The following CNMD variants were observed in gnomAD, a reference collection of about 807,000 sequenced individuals.
CNMD encodes leukocyte cell-derived chemotaxin 1.
CNMD carries 30 observed loss-of-function variants against 37.5 expected under a neutral mutation model. That is an observed-to-expected ratio of 0.80 (90% CI 0.60 to 1.09). The LOEUF (loss-of-function observed/expected upper bound fraction) is 1.09. Among genes scored for constraint, CNMD ranks in the 50% least tolerant of loss-of-function variants. The pLI is 0.00. For missense variants in CNMD, 398 were observed against 423.9 expected (o/e 0.94, Z 0.54); for synonymous variants, 167 against 148.2 (o/e 1.13, Z -0.92).
Position 52,712,543 on chromosome 13 carries a change from G to A in CNMD, c.622+173C>T, listed in dbSNP as rs143574181. Among the ~76,000 whole-genome samples, 352 of 152,074 alleles carry A rather than the reference G, an allele frequency of 2.3e-3. 4 individuals are homozygous for A. Among genetic ancestry groups the A allele is most frequent in the South Asian group, 4.2e-3 (20 of 4,808 alleles). On this transcript the variant is annotated intron_variant, in intron 5 of 6. Coordinates refer to ENST00000377962, the MANE Select transcript of CNMD (RefSeq NM_007015.3). ...TCCTTCCCTTCCCTTCAATAGTCAC[G>A]GGCTGTCATTTTCCTGCTCTTTCAT...
At chr13:52,711,947 GC>G (rs5803606) in intron 5 of CNMD, among the ~76,000 whole-genome samples, 81,244 of 151,886 alleles carry the variant, frequency 0.53, 21,948 homozygotes, top group East Asian at 0.74. Context: ...GCTGCTGTCT[GC>G]TAGTCTTCCA....
intron 3 of CNMD, among the ~76,000 whole-genome samples, chr13:52,724,547 C>T (rs760947048): frequency 7.0e-4 from 106 of 151,006 alleles, no homozygotes; most frequent in Non-Finnish European, 1.2e-3. Context: ...GCCAAGATTG[C>T]GCCACTGCAC....
intron 4 of CNMD, among the ~76,000 whole-genome samples, chr13:52,715,530 G>A (rs1233037996): frequency 6.6e-6 from 1 of 152,110 alleles, no homozygotes; most frequent in South Asian, 2.1e-4. Flanking sequence ...AGGCCCCGGT[G>A]TGTGATGTTC....
At chr13:52,724,334 G>A (rs887472933) in intron 3 of CNMD, among the ~76,000 whole-genome samples, 3 of 148,458 alleles carry the variant, frequency 2.0e-5, no homozygotes, top group African/African-American at 7.5e-5. Flanking sequence ...AGCACTTTGG[G>A]AGGCCAAGGC....
chr13:52,736,240 C>T (rs753172937), intron 2 of CNMD, among the ~76,000 whole-genome samples: 13 of 152,182 alleles, frequency 8.5e-5, no homozygotes, highest in Admixed American at 6.5e-4. Context: ...GTGAGCCGCC[C>T]GCCTCGGCCT....
intron 4 of CNMD, among the ~76,000 whole-genome samples, chr13:52,720,907 G>A (rs181129743): frequency 2.4e-4 from 37 of 152,322 alleles, no homozygotes; most frequent in Middle Eastern, 3.4e-3. Flanking sequence ...GCTCACAGCC[G>A]CCCCTTCCCC....
intron 4 of CNMD, among the ~76,000 whole-genome samples, chr13:52,716,039 C>T (rs1964373663): frequency 2.6e-5 from 4 of 152,176 alleles, no homozygotes; most frequent in Admixed American, 1.3e-4. Flanking sequence ...TTGATGATCG[C>T]CATTCTAACC....
intron 4 of CNMD, among the ~76,000 whole-genome samples, chr13:52,717,768 A>T (rs941016923): frequency 6.6e-6 from 1 of 152,192 alleles, no homozygotes; most frequent in African/African-American, 2.4e-5. Context: ...GGATTTTTGC[A>T]TCGATGTTCA....
intron 2 of CNMD, 173 bp from the exon 3 acceptor site, chr13:52,733,532 C>G (rs779655740): frequency 1.4e-6 from 1 of 711,526 alleles, no homozygotes; most frequent in South Asian, 1.5e-5. Context: ...TCAGTTAATG[C>G]AATGATTTCC....
intron 2 of CNMD, among the ~76,000 whole-genome samples, chr13:52,735,577 G>A (rs1166794314): frequency 6.6e-6 from 1 of 151,760 alleles, no homozygotes; most frequent in Non-Finnish European, 1.5e-5. Context: ...TGCAGGGATA[G>A]CCAATCTTTT....
chr13:52,716,008 CAT>C (rs1396776545), intron 4 of CNMD, among the ~76,000 whole-genome samples: 1 of 152,178 alleles, frequency 6.6e-6, no homozygotes, highest in African/African-American at 2.4e-5. Context: ...TCTTCTCCAG[CAT>C]ATGTTGTTTC....
intron 5 of CNMD, among the ~76,000 whole-genome samples, chr13:52,712,401 GGT>G (rs1315604079): frequency 1.3e-5 from 2 of 152,090 alleles, no homozygotes; most frequent in African/African-American, 4.8e-5. Flanking sequence ...AAAATTGGAA[GGT>G]GCAAACAACT....
intron 5 of CNMD, among the ~76,000 whole-genome samples, chr13:52,711,970 A>G (rs1378924074): frequency 6.6e-6 from 1 of 152,186 alleles, no homozygotes; most frequent in Admixed American, 6.5e-5. Flanking sequence ...AAAATCTTTC[A>G]GAAAACAGCC....
Position 52,712,884 on chromosome 13 carries a change from G to A in CNMD, c.469-15C>T, listed in dbSNP as rs374124583. The A allele has an allele frequency of 5.9e-6, 9 of 1,535,078 alleles. No homozygotes were observed. Among genetic ancestry groups the A allele is most frequent in the Non-Finnish European group, 7.0e-6 (8 of 1,143,148 alleles). ...ATCTTGCCTTCCTGAAAGTAAAAAC[G>A]ATTGCATTTGAGCAAAGAGGACAGT... On this transcript the variant is annotated splice_polypyrimidine_tract_variant and intron_variant, in intron 4 of 6. Transcript: ENST00000377962.
chr13:52,735,463 G>T (rs1473896107), intron 2 of CNMD, among the ~76,000 whole-genome samples: 1 of 152,066 alleles, frequency 6.6e-6, no homozygotes, highest in Non-Finnish European at 1.5e-5. Flanking sequence ...CAGTTCTTAA[G>T]GAGATAAGGT....
chr13:52,714,722 CAAT>C (rs1429634552), intron 4 of CNMD, among the ~76,000 whole-genome samples: 7 of 151,986 alleles, frequency 4.6e-5, no homozygotes, highest in African/African-American at 1.7e-4. Flanking sequence ...AAAGTTATGA[CAAT>C]AATAAGCATG....
chr13:52,731,767 C>G (rs1174825531), intron 3 of CNMD, among the ~76,000 whole-genome samples: 2 of 152,106 alleles, frequency 1.3e-5, no homozygotes, highest in Non-Finnish European at 2.9e-5. Flanking sequence ...TGTGGCACAC[C>G]ACAGGCATTC....
Position 52,739,650 on chromosome 13 carries a change from C to A in CNMD, c.52G>T (p.Val18Leu), listed in dbSNP as rs1247574287. The change falls in exon 1 of 7, where the codon GTG becomes TTG. Residue 18 changes from valine to leucine, a missense_variant. Transcript: ENST00000377962. The surrounding 1 kb of genome is among the most constrained non-coding windows in gnomAD (Gnocchi z 5.4). ...VPIALVGPDD[V>L]EFCSPPAYAT... The stretch of plus-strand genomic sequence containing the variant: ...CTCACCGGGGGGCTGCAGAATTCCA[C>A]GTCATCAGGTCCCACCAGGGCAATG... The A allele has an allele frequency of 6.2e-7, 1 of 1,614,046 alleles. No homozygotes were observed. Among genetic ancestry groups the A allele is most frequent in the Non-Finnish European group, 8.5e-7 (1 of 1,179,992 alleles).
intron 6 of CNMD, among the ~76,000 whole-genome samples, chr13:52,707,086 G>T (rs1341361286): frequency 6.6e-6 from 1 of 151,946 alleles, no homozygotes; most frequent in African/African-American, 2.4e-5. Context: ...TAGAGACGGG[G>T]TTTTACCATG....
Sources: allele counts gnomAD v4.1 joint callset (sites outside exome capture counted in the v4.1 genomes callset), GRCh38; gene constraint gnomAD v4.1.1; non-coding constraint Gnocchi (gnomAD v3.1); transcripts MANE v1.5; gene names NCBI Gene and HGNC (gene_info 2026-07-23, HGNC 2026-07-21).